FBXO11: variants seen among roughly 807,000 people sequenced by gnomAD.
FBXO11 encodes the protein F-box protein 11.
FBXO11 carries 13 observed loss-of-function variants against 117.0 expected under a neutral mutation model. The observed-to-expected ratio is 0.11, with a 90% CI of 0.07 to 0.18. The LOEUF (loss-of-function observed/expected upper bound fraction) is 0.18, where lower values mean the gene tolerates loss of function less well. Among genes scored for constraint, FBXO11 ranks in the 10% least tolerant of loss-of-function variants. The probability of loss-of-function intolerance (pLI) is 1.00; values close to 1 mark genes in which losing one functional copy is unlikely to be tolerated. For synonymous variants in FBXO11, 490 were observed against 380.5 expected (o/e 1.29, Z -3.35); for missense variants, 767 against 1,164.4 (o/e 0.66, Z 4.97).
In FBXO11 at chr2:47,807,973, A is replaced by G; in HGVS notation, c.*145T>C. The stretch of plus-strand genomic sequence containing the variant: ...TTGCCACTTTCTTTTTGGTAGCTTG[A>G]GCTTCATAGTGTCAACTGACCTTGT... On this transcript the variant is annotated 3_prime_UTR_variant, in exon 23 of 23. Coordinates refer to ENST00000403359, the MANE Select transcript of FBXO11 (RefSeq NM_001190274.2). The G allele has an allele frequency of 1.4e-6, 1 of 717,104 alleles. No homozygotes were observed. The highest frequency in any genetic ancestry group is 2.3e-6 in the Non-Finnish European group (1 of 436,336). 44.4% of individuals were successfully genotyped at this position (717,104 alleles called of 1,614,324 possible).
At chr2:47,846,697 AAC>A (rs777118776) in intron 1 of FBXO11, among the ~76,000 whole-genome samples, 5 of 152,300 alleles carry the variant, frequency 3.3e-5, no homozygotes, top group Non-Finnish European at 7.3e-5. Context: ...TAAAAAATAA[AAC>A]AGTGAAATTT....
At chr2:47,896,635 T>G (rs1003790347) in intron 1 of FBXO11, among the ~76,000 whole-genome samples, 1 of 152,150 alleles carries the variant, frequency 6.6e-6, no homozygotes, top group African/African-American at 2.4e-5. Flanking sequence ...CCCCGCCCAA[T>G]TGTTTAATTT....
intron 11 of FBXO11, among the ~76,000 whole-genome samples, chr2:47,831,317 G>C (rs868554741): frequency 6.6e-6 from 1 of 150,642 alleles, no homozygotes; most frequent in African/African-American, 2.4e-5. Context: ...TTGGAAGGCT[G>C]AGACATGAGA....
chr2:47,905,409 C>T (rs1437869885), intron 1 of FBXO11, 80 bp downstream of exon 1: 10 of 815,734 alleles, frequency 1.2e-5, no homozygotes, highest in East Asian at 4.7e-5. Context: ...CGCCCCCGCC[C>T]GCCCGCCCGC....
intron 1 of FBXO11, among the ~76,000 whole-genome samples, chr2:47,873,040 T>C (rs141726249): frequency 1.3e-5 from 2 of 152,176 alleles, no homozygotes; most frequent in African/African-American, 4.8e-5. Flanking sequence ...GAACTGCTAT[T>C]GTAGAGTAAT....
chr2:47,851,290 G>C (rs1673839934), intron 1 of FBXO11, among the ~76,000 whole-genome samples: 1 of 150,430 alleles, frequency 6.6e-6, no homozygotes, highest in Non-Finnish European at 1.5e-5. Context: ...GCAGTGGTGT[G>C]ATCTCGGCTT....
chr2:47,854,813 T>G (rs1471456884), intron 1 of FBXO11, among the ~76,000 whole-genome samples: 2 of 151,928 alleles, frequency 1.3e-5, no homozygotes, highest in African/African-American at 2.4e-5. Flanking sequence ...CAAAGAAAAG[T>G]CTTTGAATGC....
chr2:47,809,098 C>T (rs940499388), intron 21 of FBXO11, 60 bp downstream of exon 21: 3 of 1,096,372 alleles, frequency 2.7e-6, no homozygotes, highest in South Asian at 1.4e-5. Flanking sequence ...CTAGGCATTG[C>T]TAATTTAAAA....
intron 1 of FBXO11, among the ~76,000 whole-genome samples, chr2:47,887,305 GA>G (rs1558474658): frequency 6.6e-6 from 1 of 150,694 alleles, no homozygotes; most frequent in Non-Finnish European, 1.5e-5. Context: ...AGGTGGGGGG[GA>G]GGGGGGAGAC....
chr2:47,861,746 G>A (rs1400048549), intron 1 of FBXO11, among the ~76,000 whole-genome samples: 3 of 152,004 alleles, frequency 2.0e-5, no homozygotes, highest in African/African-American at 7.2e-5. Flanking sequence ...CTTTTTTCCT[G>A]ATAGATACAA....
chr2:47,814,972 C>G (rs888390354), intron 16 of FBXO11, among the ~76,000 whole-genome samples: 1 of 152,214 alleles, frequency 6.6e-6, no homozygotes, highest in Non-Finnish European at 1.5e-5. Flanking sequence ...AACTCCTCAT[C>G]TGTCCAAGTT....
At chr2:47,808,451 C>G in intron 21 of FBXO11, 24 bp from the exon 22 acceptor site, 1 of 1,553,710 alleles carries the variant, frequency 6.4e-7, no homozygotes, top group South Asian at 1.2e-5. Context: ...GCTTAAATTA[C>G]TTTTCTCAAA....
intron 1 of FBXO11, among the ~76,000 whole-genome samples, chr2:47,874,286 T>C (rs529754567): frequency 6.6e-6 from 1 of 152,250 alleles, no homozygotes; most frequent in South Asian, 2.1e-4. Context: ...ATTTCTATTT[T>C]GTTGTGTTAC....
chr2:47,873,835 A>G (rs1430422441), intron 1 of FBXO11, among the ~76,000 whole-genome samples: 6 of 152,214 alleles, frequency 3.9e-5, no homozygotes. Context: ...TGTTCAACTT[A>G]CCACATTTTC....
rs1490871309 is a variant in FBXO11, at chr2:47,906,498, C to T, written c.-778G>A. On this transcript the variant is annotated 5_prime_UTR_variant, in exon 1 of 23. Coordinates refer to ENST00000403359, the MANE Select transcript of FBXO11 (RefSeq NM_001190274.2). ...GACACCGCCGGAGCCTCCACTCGCC[C>T]AGTCGGTCCCTCCCCGCCGCGGGGC... 1.3e-5 allele frequency among the ~76,000 whole-genome samples: 2 copies of T among 150,546 alleles called. No individual in the cohort carries two copies. The highest frequency in any genetic ancestry group is 3.0e-5 in the Non-Finnish European group (2 of 67,682).
chr2:47,895,441 TAAG>T (rs1434190879), intron 1 of FBXO11, among the ~76,000 whole-genome samples: 1 of 152,124 alleles, frequency 6.6e-6, no homozygotes, highest in East Asian at 1.9e-4. Context: ...TACATAAAGT[TAAG>T]AAACAGGCAC....
intron 16 of FBXO11, chr2:47,818,544 G>T: frequency 2.5e-6 from 1 of 404,060 alleles, no homozygotes; most frequent in Non-Finnish European, 4.5e-6. Flanking sequence ...CTCTCATAGT[G>T]GAAAGCAGAA....
intron 1 of FBXO11, among the ~76,000 whole-genome samples, chr2:47,904,578 GCAAACACA>G (rs1553363850): frequency 9.5e-6 from 1 of 105,500 alleles, no homozygotes; most frequent in Non-Finnish European, 1.8e-5. Context: ...GCGCGCGCGC[GCAAACACA>G]CACACACACA....
rs1172316582 is a variant in FBXO11 at position 47,905,521 on chromosome 2, AGCGGCGGAGGCGGCGGTGGCG to A, written c.179_199del (p.Pro60_Pro66del). Reference sequence around the variant, plus strand: ...GCCGACGTTGTTCCGCTCCTGAGGCAGCGGCGGAGGCGGCGGTGGCGGCGGCGGAGGCTGCTGCTGCTGCTG... The same window carrying A: ...GCCGACGTTGTTCCGCTCCTGAGGCAGCGGCGGAGGCTGCTGCTGCTGCTG... On this transcript the variant is annotated inframe_deletion, in exon 1 of 23. Transcript: ENST00000403359. 7.3e-6 allele frequency: 9 copies of A among 1,233,910 alleles called. No homozygotes were observed. The highest frequency in any genetic ancestry group is 4.3e-5 in the Admixed American group (1 of 23,334). 76.4% of individuals were successfully genotyped at this position (1,233,910 alleles called of 1,614,324 possible).
Sources: allele counts gnomAD v4.1 joint callset (sites outside exome capture counted in the v4.1 genomes callset), GRCh38; gene constraint gnomAD v4.1.1; transcripts MANE v1.5; gene names NCBI Gene and HGNC (gene_info 2026-07-23, HGNC 2026-07-21).